HPS4: variants seen among roughly 807,000 people sequenced by gnomAD.
HPS4 encodes BLOC-3 complex member HPS4.
HPS4 carries 44 observed loss-of-function variants against 70.3 expected under a neutral mutation model. That is an observed-to-expected ratio of 0.63 (90% CI 0.49 to 0.80). The LOEUF is 0.80. HPS4 is among the 30% of genes least tolerant of loss of function. HPS4 has a pLI of 0.00. For synonymous variants in HPS4, 377 were observed against 355.9 expected (o/e 1.06, Z -0.67); for missense variants, 873 against 884.4 (o/e 0.99, Z 0.16).
chr22:26,460,063 AATG>A (rs1465114135), intron 11 of HPS4, among the ~76,000 whole-genome samples: 2 of 152,232 alleles, frequency 1.3e-5, no homozygotes, highest in Non-Finnish European at 2.9e-5. Flanking sequence ...AAGTCTCAGA[AATG>A]ATATTTCAAG....
In HPS4 at chr22:26,464,809, G is replaced by C; in HGVS notation, c.821C>G (p.Ala274Gly). 6.3e-7 allele frequency: 1 copy of C among 1,592,924 alleles called. No individual in the cohort carries two copies. The change falls in exon 11 of 14, where the codon GCA becomes GGA. Residue 274 changes from alanine to glycine, a missense_variant. Transcript: ENST00000398145. The stretch of plus-strand genomic sequence containing the variant: ...CTGGGCTGAACCATCCTGGAGTCCT[G>C]CTGGAGATGCTAGAGACCTGGCAAA... The part of the protein sequence containing the change: ...EQMTRSLASP[A>G]GLQDGSAQHH...
At position 26,450,905 on chromosome 22, in the gene HPS4, T is replaced by G. The variant is rs1325682194; in HGVS notation, c.*2328A>C. On this transcript the variant is annotated 3_prime_UTR_variant, in exon 14 of 14. Coordinates refer to ENST00000398145, the MANE Select transcript of HPS4 (RefSeq NM_022081.6). ...TCTTTCCTTTATAAAGTACCCAGTC[T>G]CGGGTATGTCTTTATTAGAACCGTG... 6.6e-6 allele frequency among the ~76,000 whole-genome samples: 1 copy of G among 152,240 alleles called. No homozygotes were observed. The highest frequency in any genetic ancestry group is 1.5e-5 in the Non-Finnish European group (1 of 68,034).
In HPS4 at chr22:26,472,624, A is replaced by AGGAGATG. The variant is rs552611008; in HGVS notation, c.384+201_384+207dup. Among the ~76,000 whole-genome samples the AGGAGATG allele has an allele frequency of 1.8e-4, 27 of 152,324 alleles. No homozygotes were observed. In the South Asian group the frequency reaches 5.2e-3, roughly 29 times the overall value. ...CCTGCGCTTTCTAAACATCCCAGGG[A>AGGAGATG]GGAGATGGGGATAAACATTTGGAAT... On this transcript the variant is annotated intron_variant, in intron 5 of 13. Transcript: ENST00000398145.
At position 26,468,584 on chromosome 22, in the gene HPS4, C is replaced by A. The variant is rs202091945; in HGVS notation, c.636G>T (p.Lys212Asn). 1.2e-5 allele frequency: 20 copies of A among 1,613,668 alleles called. No homozygotes were observed. The highest frequency in any genetic ancestry group is 1.6e-5 in the Non-Finnish European group (19 of 1,179,774). ...STQLPPSLTA[K>N]VLLHRTAPQE... Reference sequence around the variant, plus strand: ...GAGGTGCTGTTCGGTGAAGCAGGACCTTGGCGGTGAGGGAGGGCGGGAGTT... The same window carrying A: ...GAGGTGCTGTTCGGTGAAGCAGGACATTGGCGGTGAGGGAGGGCGGGAGTT... The change falls in exon 8 of 14, where the codon AAG becomes AAT. Residue 212 changes from lysine to asparagine, a missense_variant. Coordinates refer to ENST00000398145, the MANE Select transcript of HPS4 (RefSeq NM_022081.6).
At chr22:26,465,877 T>C (rs2088486061) in intron 9 of HPS4, 1 of 564,700 alleles carries the variant, frequency 1.8e-6, no homozygotes, top group East Asian at 3.3e-5. Flanking sequence ...TAAATCGAAA[T>C]AACTCTCCTG....
intron 2 of HPS4, among the ~76,000 whole-genome samples, chr22:26,480,711 G>T (rs1279166510): frequency 6.6e-6 from 1 of 152,000 alleles, no homozygotes; most frequent in African/African-American, 2.4e-5. Flanking sequence ...GAGCTTAGGA[G>T]TTCGAGATTA....
chr22:26,471,789 G>A (rs143307840), intron 6 of HPS4, among the ~76,000 whole-genome samples: 17 of 152,304 alleles, frequency 1.1e-4, no homozygotes, highest in Admixed American at 2.0e-4. Context: ...TCTTAATGGG[G>A]CAGCACAGGT....
intron 6 of HPS4, among the ~76,000 whole-genome samples, chr22:26,471,611 G>A (rs1171386689): frequency 6.6e-6 from 1 of 152,210 alleles, no homozygotes; most frequent in East Asian, 1.9e-4. Context: ...TCTGGGGCCA[G>A]CTACAGGAAG....
chr22:26,476,688 A>G (rs1474854534), intron 4 of HPS4: 2 of 364,302 alleles, frequency 5.5e-6, no homozygotes, highest in South Asian at 2.4e-5. Flanking sequence ...ATGGAGAAGA[A>G]AAGATGATGA....
At chr22:26,455,062 C>T (rs1279689594) in intron 13 of HPS4, among the ~76,000 whole-genome samples, 2 of 152,146 alleles carry the variant, frequency 1.3e-5, no homozygotes, top group Non-Finnish European at 2.9e-5. Flanking sequence ...GAATGGCGAT[C>T]ATTAAAAAGT....
In HPS4 at chr22:26,452,924, G is replaced by C; in HGVS notation, c.*309C>G. On this transcript the variant is annotated 3_prime_UTR_variant, in exon 14 of 14. Coordinates refer to ENST00000398145, the MANE Select transcript of HPS4 (RefSeq NM_022081.6). ...TGTGGCACCAATTCAAGCTGGGATG[G>C]AACAGCAGGAGATATGAAATACCTC... is the stretch of plus-strand genomic sequence containing the variant. 2 of 374,534 alleles carry C rather than the reference G, an allele frequency of 5.3e-6. No homozygotes were observed. Among genetic ancestry groups the C allele is most frequent in the Non-Finnish European group, 1.0e-5 (2 of 199,720 alleles). 23.2% of individuals were successfully genotyped at this position (374,534 alleles called of 1,614,324 possible). A position where few individuals can be genotyped will look rare whatever the true frequency, so the allele number is the denominator to read the frequency against.
chr22:26,462,872 G>A (rs1432410328), intron 11 of HPS4, among the ~76,000 whole-genome samples: 1 of 152,212 alleles, frequency 6.6e-6, no homozygotes. Context: ...TCTGTGGAAA[G>A]GGCACAGAGA....
chr22:26,458,473 A>G lies in HPS4; in HGVS notation c.1818T>C (p.His606=), dbSNP rs1429668928. Residue 606 remains histidine, a synonymous_variant, in exon 12 of 14, where the codon CAT becomes CAC. Transcript: ENST00000398145. ...TCAGCAAGCTCTGAATGCGGTCGTA[A>G]TGTGTGAAGTTGTAGGTGCTGCTCG... is the stretch of plus-strand genomic sequence containing the variant. ...ASTSSTYNFT[H]YDRIQSLLMA... is the part of the protein sequence containing the mutation. 3.1e-6 allele frequency: 5 copies of G among 1,613,944 alleles called. No individual in the cohort carries two copies. The highest frequency in any genetic ancestry group is 4.2e-6 in the Non-Finnish European group (5 of 1,180,016).
intron 4 of HPS4, chr22:26,475,815 G>A (rs1211743358): frequency 1.3e-5 from 2 of 152,192 alleles, no homozygotes; most frequent in African/African-American, 4.8e-5. Flanking sequence ...GCCAAGGCGG[G>A]AGGATTCCTT....
chr22:26,453,108 A>AT lies in HPS4; in HGVS notation c.*124dup. On this transcript the variant is annotated 3_prime_UTR_variant, in exon 14 of 14. Transcript: ENST00000398145. ...TGCAAAAGGAATAACAAAAACTCAA[A>AT]TATCATTTGGTTCCTAAAAAAGGGA... 9.3e-7 allele frequency: 1 copy of AT among 1,070,012 alleles called. No homozygotes were observed. The highest frequency in any genetic ancestry group is 1.4e-6 in the Non-Finnish European group (1 of 722,286). 66.3% of individuals were successfully genotyped at this position (1,070,012 alleles called of 1,614,324 possible). A position where few individuals can be genotyped will look rare whatever the true frequency, so the allele number is the denominator to read the frequency against.
At chr22:26,471,492 C>T (rs116888152) in intron 6 of HPS4, 5,403 of 440,148 alleles carry the variant, frequency 0.012, 68 homozygotes, top group Non-Finnish European at 0.014. Flanking sequence ...AAGTATCCAC[C>T]AGCTGTTAGA....
chr22:26,477,043 G>A lies in HPS4; in HGVS notation c.226C>T (p.Arg76Cys), dbSNP rs141684342. 1.2e-5 allele frequency: 20 copies of A among 1,614,086 alleles called. No individual in the cohort carries two copies. The highest frequency in any genetic ancestry group is 5.3e-5 in the African/African-American group (4 of 75,032). The change falls in exon 4 of 14, where the codon CGT becomes TGT. Residue 76 changes from arginine (R) to cysteine (C), a missense_variant. Arg to Cys is a radical substitution (Grantham distance 180). Transcript: ENST00000398145. Reference protein sequence around the residue: ...DISDSPPTLVRLRKLKFAIKV... With the variant: ...DISDSPPTLVCLRKLKFAIKV... ...ATGGCAAACTTCAGTTTTCTCAGAC[G>A]AACAAGAGTAGGAGGAGAGTCAGAA...
At chr22:26,483,395 CT>C (rs1602158960) in intron 1 of HPS4, among the ~76,000 whole-genome samples, 1 of 152,182 alleles carries the variant, frequency 6.6e-6, no homozygotes, top group Non-Finnish European at 1.5e-5. Context: ...CAACGCGGGG[CT>C]GGGGCTGGTG....
intron 7 of HPS4, 37 bp from the exon 8 acceptor site, chr22:26,468,660 C>T (rs766517025): frequency 9.5e-6 from 15 of 1,573,542 alleles, no homozygotes; most frequent in East Asian, 2.2e-5. Context: ...CACCATGAGA[C>T]GAAATACACC....
Sources: gnomAD v4.1 joint callset for allele counts (sites outside exome capture counted in the v4.1 genomes callset) on GRCh38, gnomAD v4.1.1 for gene constraint, MANE v1.5 for transcripts, NCBI Gene and HGNC (gene_info 2026-07-23, HGNC 2026-07-21) for gene names.